Variants in ROS1 observed in about 807,000 individuals in gnomAD.
The protein encoded by ROS1 is ROS proto-oncogene 1, receptor tyrosine kinase, also known as proto-oncogene tyrosine-protein kinase ROS.
A neutral mutation model predicts 273.5 loss-of-function variants in ROS1; 263 were observed. The ratio of observed to expected loss-of-function variants is 0.96; its 90% CI spans 0.87 to 1.06. The LOEUF is 1.06. ROS1 is among the 50% of genes least tolerant of loss of function. ROS1 has a pLI of 0.00. For missense variants in ROS1, 2,833 were observed against 2,751.1 expected, an observed-to-expected ratio of 1.03 and a Z score of -0.67; for synonymous variants, 1,008 against 954.1, an observed-to-expected ratio of 1.06 and a Z score of -1.04.
At chr6:117,313,307 G>A (rs990776060) in intron 39 of ROS1, among the ~76,000 whole-genome samples, 2 of 152,108 alleles carry the variant, frequency 1.3e-5, no homozygotes, top group Admixed American at 6.6e-5. Context: ...TCTCATGCCT[G>A]TAATCCCAGG....
At chr6:117,295,180 T>A (rs1434694829) in intron 43 of ROS1, among the ~76,000 whole-genome samples, 1 of 152,042 alleles carries the variant, frequency 6.6e-6, no homozygotes, top group African/African-American at 2.4e-5. Context: ...CAGAAATAAA[T>A]TCACACACCT....
chr6:117,424,275 AG>A (rs1397518215), intron 1 of ROS1, among the ~76,000 whole-genome samples: 1 of 152,080 alleles, frequency 6.6e-6, no homozygotes, highest in African/African-American at 2.4e-5. Flanking sequence ...GTAATGAAAA[AG>A]CTGGTTGCAT....
rs112742138 is a variant in ROS1 at position 117,310,803 on chromosome 6, G to A, written c.6215+217C>T. On this transcript the variant is annotated intron_variant, in intron 40 of 43. Coordinates refer to ENST00000368507, the MANE Select transcript of ROS1 (RefSeq NM_001378902.1). ...CAGTCTATCATCGATGGGCATTTGC[G>A]TTGGTTCCAAGTCTTTGCTATTGAA... Among the ~76,000 whole-genome samples the A allele has an allele frequency of 4.7e-3, 711 of 152,176 alleles. 3 individuals carry two copies. Among genetic ancestry groups the A allele is most frequent in the African/African-American group, 0.015 (629 of 41,536 alleles).
intron 2 of ROS1, among the ~76,000 whole-genome samples, chr6:117,417,585 A>C (rs936035212): frequency 8.5e-5 from 13 of 152,184 alleles, no homozygotes. Context: ...CTTAGCAAGC[A>C]TGGCAGACAA....
chr6:117,365,977 C>G, intron 19 of ROS1, 99 bp downstream of exon 19: 1 of 1,110,008 alleles, frequency 9.0e-7, no homozygotes, highest in Non-Finnish European at 1.3e-6. Context: ...CCTTACTCCT[C>G]TTAAAACTTA....
chr6:117,387,044 A>T (rs1274438404), intron 14 of ROS1, 45 bp from the exon 15 acceptor site: 3 of 1,100,344 alleles, frequency 2.7e-6, no homozygotes, highest in Non-Finnish European at 2.8e-6. Flanking sequence ...GGGAAAGCAA[A>T]CTCTTTAAAG....
chr6:117,393,379 C>T (rs769989673), intron 11 of ROS1, 58 bp from the exon 12 acceptor site: 274 of 1,093,020 alleles, frequency 2.5e-4, no homozygotes, highest in Non-Finnish European at 3.5e-4. Context: ...GCATTAAATT[C>T]AGCCAACAAG....
intron 34 of ROS1, among the ~76,000 whole-genome samples, chr6:117,324,901 C>T (rs977605082): frequency 6.6e-6 from 1 of 151,930 alleles, no homozygotes; most frequent in Admixed American, 6.6e-5. Context: ...GCATGAGGAC[C>T]AAATCTGGCT....
chr6:117,344,004 T>A (rs1778161506), intron 28 of ROS1, 56 bp downstream of exon 28: 1 of 1,465,958 alleles, frequency 6.8e-7, no homozygotes, highest in Admixed American at 1.7e-5. Flanking sequence ...GCTCATAATT[T>A]TATATCAAAA....
chr6:117,385,626 T>C, intron 16 of ROS1, 57 bp downstream of exon 16: 1 of 1,470,340 alleles, frequency 6.8e-7, no homozygotes, highest in Non-Finnish European at 9.3e-7. Flanking sequence ...GGTGTGCAAG[T>C]CACTGAAGTG....
At chr6:117,346,313 C>G (rs1450785467) in intron 27 of ROS1, among the ~76,000 whole-genome samples, 1 of 151,496 alleles carries the variant, frequency 6.6e-6, no homozygotes, top group African/African-American at 2.4e-5. Flanking sequence ...AAAAAAGGAC[C>G]AAGATAACTT....
Position 117,362,681 on chromosome 6 carries a change from C to G in ROS1, c.3288G>C (p.Trp1096Cys), listed in dbSNP as rs200145587. ...CTGAGGGAGTGACATTGACAGCAAT[C>G]CAGTCTTCACATGTTTTGTTTGTAA... is the stretch of plus-strand genomic sequence containing the variant. ...QSITNKTCED[W>C]IAVNVTPSVM... The change falls in exon 22 of 44, where the codon TGG (tryptophan) becomes TGC (cysteine). Residue 1096 changes from tryptophan (W) to cysteine (C), a missense_variant. Transcript: ENST00000368507. 6.2e-7 allele frequency: 1 copy of G among 1,613,224 alleles called. No homozygotes were observed. Among genetic ancestry groups the G allele is most frequent in the African/African-American group, 1.3e-5 (1 of 74,882 alleles).
Position 117,344,220 on chromosome 6 carries a change from G to C in ROS1, c.4346C>G (p.Thr1449Ser). The change falls in exon 28 of 44, where the codon ACT becomes AGT. Residue 1449 changes from threonine (T) to serine (S), a missense_variant. Thr to Ser is a moderately conservative substitution (Grantham distance 58). Transcript: ENST00000368507. Reference sequence around the variant, plus strand: ...GCTAGTGTTAGTGGCATTAAGTATAGTTGGTTCCACAGTGTCTGAAGCTAG... The same window carrying C: ...GCTAGTGTTAGTGGCATTAAGTATACTTGGTTCCACAGTGTCTGAAGCTAG... Reference protein sequence around the residue: ...LSLASDTVEPTILNATNTSLT... With the variant: ...LSLASDTVEPSILNATNTSLT... The C allele has an allele frequency of 6.2e-7, 1 of 1,613,994 alleles. No individual in the cohort carries two copies. The highest frequency in any genetic ancestry group is 8.5e-7 in the Non-Finnish European group (1 of 1,179,928).
chr6:117,354,139 C>G (rs1779099077), intron 26 of ROS1, among the ~76,000 whole-genome samples: 1 of 152,006 alleles, frequency 6.6e-6, no homozygotes, highest in Non-Finnish European at 1.5e-5. Context: ...TTGCTTGAGC[C>G]CAGGAATTCA....
At chr6:117,363,447 T>G (rs1008460163) in intron 21 of ROS1, among the ~76,000 whole-genome samples, 1 of 152,140 alleles carries the variant, frequency 6.6e-6, no homozygotes, top group Non-Finnish European at 1.5e-5. Context: ...TATCTCTCAG[T>G]CCTTTAATCA....
Position 117,409,568 on chromosome 6 carries a change from G to T in ROS1, c.316+14C>A, listed in dbSNP as rs371847632. Reference sequence around the variant, plus strand: ...GTGCAGCCTATTTTTTAAAAGTCGTGTGTGTCCTCTTACCCAGTACTTCCT... The same window carrying T: ...GTGCAGCCTATTTTTTAAAAGTCGTTTGTGTCCTCTTACCCAGTACTTCCT... On this transcript the variant is annotated intron_variant, in intron 5 of 43. Transcript: ENST00000368507. 6.2e-7 allele frequency: 1 copy of T among 1,606,952 alleles called. No homozygotes were observed. Among genetic ancestry groups the T allele is most frequent in the Non-Finnish European group, 8.5e-7 (1 of 1,173,680 alleles).
intron 18 of ROS1, among the ~76,000 whole-genome samples, chr6:117,370,801 T>C (rs1212597229): frequency 2.0e-5 from 3 of 151,996 alleles, no homozygotes; most frequent in Non-Finnish European, 4.4e-5. Flanking sequence ...GGAGATAAAA[T>C]GGAATACTAA....
Position 117,344,162 on chromosome 6 carries a change from G to T in ROS1, c.4404C>A (p.Asn1468Lys). The change falls in exon 28 of 44, where the codon AAC (asparagine) becomes AAA (lysine). Residue 1468 changes from asparagine (N) to lysine (K), a missense_variant. Physicochemically the swap from Asn to Lys is moderately conservative, Grantham distance 94 (BLOSUM62 0). Coordinates refer to ENST00000368507, the MANE Select transcript of ROS1 (RefSeq NM_001378902.1). The part of the protein sequence containing the change: ...LTIRLPLAKT[N>K]LTWYGITSPT... ...GGCTGGTGATGCCATACCATGTGAG[G>T]TTTGTCTTGGCCAGAGGTAATCTGA... is the stretch of plus-strand genomic sequence containing the variant. The T allele has an allele frequency of 6.2e-7, 1 of 1,613,900 alleles. No individual in the cohort carries two copies. The highest frequency in any genetic ancestry group is 1.1e-5 in the South Asian group (1 of 91,082).
In ROS1 at chr6:117,319,662, AC is replaced by A. The variant is rs1165294134; in HGVS notation, c.5922+205del. ...ATTAGTAGCCTTAGAGGTAATGCAA[AC>A]CCTGGAGATTGTTGATTACAAACAA... On this transcript the variant is annotated intron_variant, in intron 37 of 43. Coordinates refer to ENST00000368507, the MANE Select transcript of ROS1 (RefSeq NM_001378902.1). 2.0e-5 allele frequency among the ~76,000 whole-genome samples: 3 copies of A among 152,290 alleles called. No homozygotes were observed. In the East Asian group the frequency reaches 5.8e-4, roughly 29 times the overall value.
Sources: allele counts gnomAD v4.1 joint callset (sites outside exome capture counted in the v4.1 genomes callset), GRCh38; gene constraint gnomAD v4.1.1; transcripts MANE v1.5; gene names NCBI Gene and HGNC (gene_info 2026-07-23, HGNC 2026-07-21).